The following DOCK1 variants were observed in gnomAD, a reference collection of about 807,000 sequenced individuals.
DOCK1 encodes dedicator of cytokinesis 1, also known as dedicator of cytokinesis protein 1.
DOCK1 carries 138 observed loss-of-function variants against 262.7 expected under a neutral mutation model. The ratio of observed to expected loss-of-function variants is 0.53; its 90% confidence interval spans 0.46 to 0.61. The LOEUF is 0.61. Ranked by LOEUF, DOCK1 falls within the 20% of genes least tolerant of loss-of-function variation. The pLI, the probability that DOCK1 is intolerant of heterozygous loss-of-function variation, is 0.00. For missense variants in DOCK1, 1,908 were observed against 2,370.7 expected (o/e 0.80, Z 4.05); for synonymous variants, 866 against 867.4 (o/e 1.00, Z 0.03).
intron 48 of DOCK1, among the ~76,000 whole-genome samples, chr10:127,438,369 G>A (rs781482997): frequency 7.9e-5 from 12 of 152,204 alleles, no homozygotes; most frequent in Non-Finnish European, 1.5e-4. Context: ...TAGGCAGAAG[G>A]GTGGTGGTGT....
chr10:127,109,471 G>GA (rs1170583421), intron 24 of DOCK1, among the ~76,000 whole-genome samples: 1 of 152,210 alleles, frequency 6.6e-6, no homozygotes, highest in African/African-American at 2.4e-5. Context: ...GATGTGCAGT[G>GA]ATCACCAGAG....
chr10:127,146,833 C>T (rs1181629461), intron 27 of DOCK1, among the ~76,000 whole-genome samples: 4 of 152,170 alleles, frequency 2.6e-5, no homozygotes, highest in Non-Finnish European at 4.4e-5. Flanking sequence ...CTGGAATTGG[C>T]ACGGATTCTG....
intron 3 of DOCK1, among the ~76,000 whole-genome samples, chr10:126,979,784 G>A (rs986242227): frequency 2.6e-5 from 4 of 152,162 alleles, no homozygotes; most frequent in Non-Finnish European, 5.9e-5. Context: ...GGCCTCCTAG[G>A]CAGTAGCAGA....
At chr10:127,079,642 T>C (rs562462395) in intron 23 of DOCK1, among the ~76,000 whole-genome samples, 1 of 152,204 alleles carries the variant, frequency 6.6e-6, no homozygotes, top group Non-Finnish European at 1.5e-5. Context: ...TGTAAAAGTC[T>C]ATTCCTGGCA....
At chr10:126,963,634 C>T (rs2037426352) in intron 1 of DOCK1, among the ~76,000 whole-genome samples, 1 of 39,664 alleles carries the variant, frequency 2.5e-5, no homozygotes, top group Non-Finnish European at 3.9e-5. Context: ...CCTTCCCTTC[C>T]CTTCCCTCCT....
chr10:127,326,508 A>G (rs181815034), intron 29 of DOCK1, among the ~76,000 whole-genome samples: 5 of 152,356 alleles, frequency 3.3e-5, no homozygotes, highest in Admixed American at 2.0e-4. Context: ...CAATTCAGTC[A>G]CATCTTCAGA....
At chr10:127,057,913 T>TTAAA (rs1434168317) in intron 22 of DOCK1, among the ~76,000 whole-genome samples, 1 of 152,224 alleles carries the variant, frequency 6.6e-6, no homozygotes, top group Non-Finnish European at 1.5e-5. Context: ...TAATGAACAC[T>TTAAA]TATTTAAGTA....
intron 30 of DOCK1, 72 bp from the exon 31 acceptor site, chr10:127,343,574 G>C (rs183481544): frequency 1.2e-5 from 14 of 1,178,302 alleles, no homozygotes; most frequent in Non-Finnish European, 1.7e-5. Flanking sequence ...AATGATAAAT[G>C]TCTGAGAGCA....
chr10:126,911,477 T>C (rs925323863), intron 1 of DOCK1, among the ~76,000 whole-genome samples: 2 of 152,202 alleles, frequency 1.3e-5, no homozygotes, highest in Non-Finnish European at 2.9e-5. Context: ...CATGCACCAG[T>C]GTGGAGACCA....
intron 23 of DOCK1, among the ~76,000 whole-genome samples, chr10:127,104,070 C>G (rs2048399368): frequency 6.6e-6 from 1 of 152,176 alleles, no homozygotes; most frequent in African/African-American, 2.4e-5. Flanking sequence ...CATCTATCTT[C>G]TATGGAGAAT....
intron 23 of DOCK1, among the ~76,000 whole-genome samples, chr10:127,078,019 A>G (rs2046671243): frequency 6.6e-6 from 1 of 152,182 alleles, no homozygotes; most frequent in Admixed American, 6.5e-5. Context: ...CACCCCTGGT[A>G]TTCAGAGCCG....
At chr10:127,425,750 A>G in intron 46 of DOCK1, 124 bp from the exon 47 acceptor site, 1 of 1,411,994 alleles carries the variant, frequency 7.1e-7, no homozygotes, top group Non-Finnish European at 9.6e-7. Flanking sequence ...GGTAAATTGA[A>G]TCAGCTGGTT....
At chr10:127,192,038 C>T (rs2056790692) in intron 27 of DOCK1, among the ~76,000 whole-genome samples, 3 of 152,196 alleles carry the variant, frequency 2.0e-5, no homozygotes, top group African/African-American at 7.2e-5. Flanking sequence ...ATATAAACTT[C>T]AACAAGCATT....
At chr10:126,938,874 G>T (rs1241641204) in intron 1 of DOCK1, among the ~76,000 whole-genome samples, 1 of 106,086 alleles carries the variant, frequency 9.4e-6, no homozygotes, top group African/African-American at 4.4e-5. Flanking sequence ...CACTGGAGGG[G>T]ATGAACACAG....
At chr10:127,235,217 T>G (rs186629446) in intron 27 of DOCK1, among the ~76,000 whole-genome samples, 1 of 152,114 alleles carries the variant, frequency 6.6e-6, no homozygotes, top group Non-Finnish European at 1.5e-5. Context: ...TTCTTCTTCC[T>G]TCTAAATTTT....
chr10:127,416,923 C>CA (rs397703062), intron 44 of DOCK1, among the ~76,000 whole-genome samples: 7 of 1,870 alleles, frequency 3.7e-3, no homozygotes, highest in South Asian at 0.037. Context: ...GCTGGCCACA[C>CA]CAGTGCATCA....
chr10:127,022,254 C>G (rs2135441113), intron 13 of DOCK1, among the ~76,000 whole-genome samples: 1 of 152,166 alleles, frequency 6.6e-6, no homozygotes, highest in South Asian at 2.1e-4. Context: ...AGGGAAGAGC[C>G]ATGCAGAAAG....
intron 27 of DOCK1, among the ~76,000 whole-genome samples, chr10:127,131,675 C>CGTT (rs2307869): frequency 0.82 from 124,679 of 151,842 alleles, 51,888 homozygotes; most frequent in East Asian, 0.94. Flanking sequence ...TTTTTAAAGT[C>CGTT]GTTGCTCTGT....
intron 29 of DOCK1, among the ~76,000 whole-genome samples, chr10:127,301,598 A>G (rs948320464): frequency 6.6e-6 from 1 of 152,174 alleles, no homozygotes; most frequent in African/African-American, 2.4e-5. Flanking sequence ...AATCAAATGT[A>G]TTATGGGCAA....
Sources: allele counts gnomAD v4.1 joint callset (sites outside exome capture counted in the v4.1 genomes callset), GRCh38; gene constraint gnomAD v4.1.1; transcripts MANE v1.5; gene names NCBI Gene and HGNC (gene_info 2026-07-23, HGNC 2026-07-21).